Variants in TRIM29 observed in about 807,000 individuals in gnomAD.
TRIM29 encodes the protein tripartite motif-containing protein 29.
TRIM29 carries 52 observed loss-of-function variants against 57.3 expected under a neutral mutation model. The observed-to-expected ratio is 0.91, with a 90% CI of 0.73 to 1.14. The LOEUF is 1.14. TRIM29 is among the 50% of genes most tolerant of loss of function. TRIM29 has a pLI of 0.00. For missense variants in TRIM29, 753 were observed against 774.6 expected (o/e 0.97, Z 0.33); for synonymous variants, 319 against 316.9 (o/e 1.01, Z -0.07).
At chr11:120,129,087 G>T (rs1310167292) in intron 1 of TRIM29, among the ~76,000 whole-genome samples, 2 of 152,192 alleles carry the variant, frequency 1.3e-5, no homozygotes, top group Non-Finnish European at 1.5e-5. Context: ...TTACCCAGGG[G>T]CTCTGGGGAA....
Position 120,128,415 on chromosome 11 carries a change from C to G in TRIM29, c.885G>C (p.Glu295Asp), listed in dbSNP as rs1009871595. 2.0e-5 allele frequency: 32 copies of G among 1,612,170 alleles called. No homozygotes were observed. The highest frequency in any genetic ancestry group is 2.5e-5 in the Non-Finnish European group (30 of 1,180,026). The change falls in exon 2 of 9, where the codon GAG becomes GAC. Residue 295 changes from glutamate (E) to aspartate (D), a missense_variant. Coordinates refer to ENST00000341846, the MANE Select transcript of TRIM29 (RefSeq NM_012101.4). ...GGCTGCTCACCTTGATGCGGTCCTT[C>G]TCCTTCTGCCACTTCTCAGCTTCAT... The part of the protein sequence containing the change: ...IEDEAEKWQK[E>D]KDRIKSFTTN...
At chr11:120,116,613 G>A (rs1271404105) in intron 7 of TRIM29, 1 of 154,046 alleles carries the variant, frequency 6.5e-6, no homozygotes, top group Non-Finnish European at 1.4e-5. Flanking sequence ...GCATCTGAGG[G>A]TGGGAGCAGC....
chr11:120,126,524 G>A (rs775985766), intron 3 of TRIM29, among the ~76,000 whole-genome samples: 11 of 152,108 alleles, frequency 7.2e-5, no homozygotes, highest in Admixed American at 6.5e-5. Context: ...GATTACAGGC[G>A]TGAGCCACCA....
chr11:120,127,523 T>C lies in TRIM29; in HGVS notation c.947A>G (p.Asp316Gly). 1 of 1,614,168 alleles carries C rather than the reference T, an allele frequency of 6.2e-7. No individual in the cohort carries two copies. Among genetic ancestry groups the C allele is most frequent in the East Asian group, 2.2e-5 (1 of 44,878 alleles). Residue 316 changes from aspartate (D) to glycine (G), a missense_variant, in exon 3 of 9, where the codon GAC becomes GGC. Coordinates refer to ENST00000341846, the MANE Select transcript of TRIM29 (RefSeq NM_012101.4). ...TTGCTTCTCCAGGTCCCGCACCAGG[T>C]CCCGGAAGTTCTGCTCCAGGATGGC... ...EKAILEQNFR[D>G]LVRDLEKQKE...
chr11:120,115,633 G>A, intron 7 of TRIM29: 1 of 562,820 alleles, frequency 1.8e-6, no homozygotes, highest in Non-Finnish European at 3.2e-6. Flanking sequence ...CAGACAGAAG[G>A]AGGAGGAGCC....
At chr11:120,132,879 T>A (rs1863746401) in intron 1 of TRIM29, among the ~76,000 whole-genome samples, 1 of 152,194 alleles carries the variant, frequency 6.6e-6, no homozygotes, top group Non-Finnish European at 1.5e-5. Context: ...CTGTTCCTTT[T>A]GCCTCCTCAC....
rs779413034 is a variant in TRIM29 at position 120,125,677 on chromosome 11, G to A, written c.1333+14C>T. 20 of 1,613,826 alleles carry A rather than the reference G, an allele frequency of 1.2e-5. No homozygotes were observed. Among genetic ancestry groups the A allele is most frequent in the South Asian group, 2.2e-5 (2 of 91,054 alleles). On this transcript the variant is annotated intron_variant, in intron 4 of 8. Coordinates refer to ENST00000341846, the MANE Select transcript of TRIM29 (RefSeq NM_012101.4). Reference sequence around the variant, plus strand: ...GTCTATGGCCTTGGGGCCCAGCCACGAGAGGGGACCTACCGTTCTCCATGT... The same window carrying A: ...GTCTATGGCCTTGGGGCCCAGCCACAAGAGGGGACCTACCGTTCTCCATGT...
chr11:120,137,253 A>T lies in TRIM29; in HGVS notation c.779T>A (p.Val260Glu). The T allele has an allele frequency of 1.2e-6, 2 of 1,614,172 alleles. No homozygotes were observed. Among genetic ancestry groups the T allele is most frequent in the Non-Finnish European group, 1.7e-6 (2 of 1,180,036 alleles). ...QEHKNHSTVT[V>E]EEAKAEKETE... ...CTCCTTCTCGGCCTTGGCCTCCTCC[A>T]CTGTCACGGTGCTATGATTCTTGTG... Residue 260 changes from valine to glutamate, a missense_variant, in exon 1 of 9, where the codon GTG becomes GAG. Transcript: ENST00000341846. This position sits in a 1 kb window ranked among gnomAD's most constrained non-coding sequence, Gnocchi z 6.2.
chr11:120,117,347 G>T, intron 7 of TRIM29: 1 of 170,454 alleles, frequency 5.9e-6, no homozygotes, highest in Non-Finnish European at 1.3e-5. Context: ...CCTCTTGCCG[G>T]CAGCTCCAAG....
At chr11:120,118,686 G>A (rs1863351324) in intron 6 of TRIM29, 1 of 204,124 alleles carries the variant, frequency 4.9e-6, no homozygotes, top group South Asian at 7.9e-5. Context: ...ATTCAAACCA[G>A]GCTAAGCCTC....
chr11:120,137,310 G>A lies in TRIM29; in HGVS notation c.722C>T (p.Thr241Ile), dbSNP rs1863838773. The A allele has an allele frequency of 6.2e-7, 1 of 1,614,142 alleles. No individual in the cohort carries two copies. The highest frequency in any genetic ancestry group is 1.1e-5 in the South Asian group (1 of 91,076). The change falls in exon 1 of 9, where the codon ACC becomes ATC. Residue 241 changes from threonine (T) to isoleucine (I), a missense_variant. Thr to Ile is a moderately conservative substitution (Grantham distance 89). Coordinates refer to ENST00000341846, the MANE Select transcript of TRIM29 (RefSeq NM_012101.4). This position sits in a 1 kb window ranked among gnomAD's most constrained non-coding sequence, Gnocchi z 6.2. ...TMELFCQTDQ[T>I]CICYLCMFQE... ...GAACATGCAAAGGTAGCAGATGCAG[G>A]TCTGGTCGGTCTGGCAGAAGAGCTC... is the stretch of plus-strand genomic sequence containing the variant.
intron 4 of TRIM29, chr11:120,125,338 C>T (rs888632596): frequency 3.4e-6 from 1 of 295,018 alleles, no homozygotes; most frequent in South Asian, 4.7e-5. Flanking sequence ...ATACTAGTGG[C>T]AGCATCCACA....
rs912602608 is a variant in TRIM29 at position 120,120,425 on chromosome 11, C to T, written c.1528+148G>A. 48 of 693,178 alleles carry T rather than the reference C, an allele frequency of 6.9e-5. 1 individual carries two copies. The allele number at this position is 693,178 out of a possible 1,614,324, so 42.9% of individuals were successfully genotyped here. Reference sequence around the variant, plus strand: ...TCGGTAGGTAGGACCCCTCCCTACCCATGCCTGGACCCTCCACCCATCCTA... The same window carrying T: ...TCGGTAGGTAGGACCCCTCCCTACCTATGCCTGGACCCTCCACCCATCCTA... On this transcript the variant is annotated intron_variant, in intron 6 of 8. Coordinates refer to ENST00000341846, the MANE Select transcript of TRIM29 (RefSeq NM_012101.4).
rs146916076 is a variant in TRIM29, at chr11:120,130,690, G to C, written c.805-2195C>G. On this transcript the variant is annotated intron_variant, in intron 1 of 8. Transcript: ENST00000341846. ...CCAGAAAGCATTTGGCACAGCGTGA[G>C]CACTGTCTGAGCAATGGTTCCCATC... is the stretch of plus-strand genomic sequence containing the variant. 9.8e-4 allele frequency among the ~76,000 whole-genome samples: 150 copies of C among 152,348 alleles called. 1 individual carries two copies. Among genetic ancestry groups the C allele is most frequent in the African/African-American group, 3.5e-3 (146 of 41,580 alleles).
intron 1 of TRIM29, among the ~76,000 whole-genome samples, chr11:120,132,785 A>T (rs1863745097): frequency 6.6e-6 from 1 of 152,262 alleles, no homozygotes; most frequent in Admixed American, 6.5e-5. Flanking sequence ...TCTGGATAAG[A>T]ATCTGAAATG....
At chr11:120,116,928 A>G in intron 7 of TRIM29, 1 of 378,336 alleles carries the variant, frequency 2.6e-6, no homozygotes, top group Middle Eastern at 3.9e-4. Context: ...TGTGGGAGAG[A>G]AAAGGGGAGG....
At chr11:120,129,955 T>A (rs1308244341) in intron 1 of TRIM29, among the ~76,000 whole-genome samples, 1 of 151,932 alleles carries the variant, frequency 6.6e-6, no homozygotes, top group Non-Finnish European at 1.5e-5. Context: ...AAAGAGGACC[T>A]AAGGAGATGA....
chr11:120,135,024 C>T (rs1408474462), intron 1 of TRIM29, among the ~76,000 whole-genome samples: 1 of 152,164 alleles, frequency 6.6e-6, no homozygotes, highest in Non-Finnish European at 1.5e-5. Flanking sequence ...TGAGCCCTCC[C>T]TCAAGGAAGA....
At chr11:120,112,558 C>T in intron 8 of TRIM29, 82 bp from the exon 9 acceptor site, 2 of 1,449,492 alleles carry the variant, frequency 1.4e-6, no homozygotes, top group Non-Finnish European at 1.9e-6. Context: ...TAACCTGCCT[C>T]AGGAGGCAGC....
Sources: allele counts gnomAD v4.1 joint callset (sites outside exome capture counted in the v4.1 genomes callset), GRCh38; gene constraint gnomAD v4.1.1; non-coding constraint Gnocchi (gnomAD v3.1); transcripts MANE v1.5; gene names NCBI Gene and HGNC (gene_info 2026-07-23, HGNC 2026-07-21).